The following NIPAL2 variants were observed in gnomAD, a reference collection of about 807,000 sequenced individuals.
NIPAL2 encodes the protein NIPA like domain containing 2.
In NIPAL2, 43 loss-of-function variants were observed where a neutral mutation model predicts 48.9. The observed-to-expected ratio is 0.88, with a 90% CI of 0.69 to 1.13. NIPAL2 has a LOEUF of 1.13. NIPAL2 is among the 50% of genes most tolerant of loss of function. NIPAL2 has a pLI of 0.00. For synonymous variants in NIPAL2, 167 were observed against 174.6 expected, an observed-to-expected ratio of 0.96 and a Z score of 0.34; for missense variants, 446 against 461.4, an observed-to-expected ratio of 0.97 and a Z score of 0.31.
At chr8:98,203,311 G>T in intron 7 of NIPAL2, 115 bp from the exon 8 acceptor site, 1 of 751,732 alleles carries the variant, frequency 1.3e-6, no homozygotes, top group Admixed American at 2.0e-5. Flanking sequence ...GAAAGGAGGT[G>T]CAGTGAAAGG....
At chr8:98,292,114 T>C (rs571772980) in intron 1 of NIPAL2, among the ~76,000 whole-genome samples, 4 of 152,346 alleles carry the variant, frequency 2.6e-5, no homozygotes, top group Admixed American at 2.6e-4. Flanking sequence ...CAAATAAGCA[T>C]CATTAAGCTG....
chr8:98,264,015 G>A (rs1428813514), intron 1 of NIPAL2, among the ~76,000 whole-genome samples: 7 of 147,562 alleles, frequency 4.7e-5, no homozygotes, highest in Admixed American at 1.4e-4. Context: ...TATAAACAGA[G>A]CCAAAGACAA....
chr8:98,272,825 A>G (rs1815221636), intron 1 of NIPAL2, among the ~76,000 whole-genome samples: 1 of 152,104 alleles, frequency 6.6e-6, no homozygotes, highest in Non-Finnish European at 1.5e-5. Flanking sequence ...TATAGAATCA[A>G]AAAACCACTT....
intron 4 of NIPAL2, among the ~76,000 whole-genome samples, chr8:98,231,554 G>C (rs1482811362): frequency 1.3e-5 from 2 of 152,180 alleles, no homozygotes; most frequent in Admixed American, 1.3e-4. Flanking sequence ...AGGGAGAAGA[G>C]AGAAGAAAAT....
chr8:98,242,731 G>C (rs1408528090), intron 3 of NIPAL2, among the ~76,000 whole-genome samples: 1 of 151,914 alleles, frequency 6.6e-6, no homozygotes, highest in Non-Finnish European at 1.5e-5. Context: ...TGATCCTCCC[G>C]CCTTGGCCTC....
At chr8:98,199,102 A>T (rs1810690898) in intron 8 of NIPAL2, among the ~76,000 whole-genome samples, 1 of 151,672 alleles carries the variant, frequency 6.6e-6, no homozygotes, top group Non-Finnish European at 1.5e-5. Context: ...GATTACAGTC[A>T]TGTGCCACCA....
intron 4 of NIPAL2, among the ~76,000 whole-genome samples, chr8:98,230,972 C>A (rs373733329): frequency 1.4e-4 from 22 of 152,236 alleles, no homozygotes; most frequent in African/African-American, 5.3e-4. Context: ...CTTTTAGGAG[C>A]CTTAAGAGTT....
chr8:98,194,011 C>T (rs1167262175), intron 10 of NIPAL2, among the ~76,000 whole-genome samples: 1 of 152,170 alleles, frequency 6.6e-6, no homozygotes, highest in African/African-American at 2.4e-5. Flanking sequence ...CTAGTTTTTG[C>T]TTCACAGGCA....
chr8:98,252,699 T>C (rs909918397), intron 2 of NIPAL2, 65 bp from the exon 3 acceptor site: 3 of 1,363,446 alleles, frequency 2.2e-6, no homozygotes, highest in Non-Finnish European at 3.0e-6. Flanking sequence ...CCACTTTTTT[T>C]CTTTTGTATT....
chr8:98,280,778 AG>A (rs1271017804), intron 1 of NIPAL2, among the ~76,000 whole-genome samples: 2 of 141,630 alleles, frequency 1.4e-5, no homozygotes, highest in African/African-American at 5.2e-5. Context: ...AGAGAGAGAG[AG>A]AGAGAGAGAG....
chr8:98,259,608 C>T (rs1489910884), intron 1 of NIPAL2, among the ~76,000 whole-genome samples: 1 of 152,184 alleles, frequency 6.6e-6, no homozygotes, highest in Admixed American at 6.5e-5. Context: ...TTCCCTATCC[C>T]TTGAATTCAG....
chr8:98,196,503 C>T (rs998238764), intron 8 of NIPAL2, among the ~76,000 whole-genome samples: 7 of 152,246 alleles, frequency 4.6e-5, no homozygotes, highest in African/African-American at 1.7e-4. Context: ...ACTCAAGTGC[C>T]AAAGCACACT....
chr8:98,195,943 CA>C lies in NIPAL2; in HGVS notation c.942del (p.Phe314LeufsTer73). 2 of 1,570,848 alleles carry C rather than the reference CA, an allele frequency of 1.3e-6. No individual in the cohort carries two copies. Among genetic ancestry groups the C allele is most frequent in the Non-Finnish European group, 1.7e-6 (2 of 1,146,522 alleles). On this transcript the variant is annotated frameshift_variant and splice_region_variant, in exon 9 of 11. Coordinates refer to ENST00000430223, the MANE Select transcript of NIPAL2 (RefSeq NM_001321635.2). LOFTEE classifies it high-confidence loss of function. Reference protein sequence around the residue: ...APFLTVFIYLFGCFLSFLGVF... With the variant: ...APFLTVFIYLXGCFLSFLGVF... Reference sequence around the variant, plus strand: ...TTTACCTCTGAGACATTTACTCACCCAAAAAGATATATAAATACAGTGAGAA... The same window carrying C: ...TTTACCTCTGAGACATTTACTCACCCAAAAGATATATAAATACAGTGAGAA...
At chr8:98,247,363 C>T (rs998455204) in intron 3 of NIPAL2, among the ~76,000 whole-genome samples, 1 of 152,182 alleles carries the variant, frequency 6.6e-6, no homozygotes, top group African/African-American at 2.4e-5. Flanking sequence ...GTCACCAGTC[C>T]CCTGGGTCTC....
intron 5 of NIPAL2, among the ~76,000 whole-genome samples, chr8:98,221,575 T>C (rs113748884): frequency 0.037 from 5,657 of 152,228 alleles, 373 homozygotes; most frequent in African/African-American, 0.13. Flanking sequence ...CTTTAAGTTC[T>C]GGGATACATG....
intron 4 of NIPAL2, among the ~76,000 whole-genome samples, chr8:98,233,768 C>T (rs568739426): frequency 6.6e-6 from 1 of 152,164 alleles, no homozygotes; most frequent in Non-Finnish European, 1.5e-5. Context: ...TTACAACTTG[C>T]ATTTATTTTT....
intron 5 of NIPAL2, among the ~76,000 whole-genome samples, chr8:98,214,599 CT>C (rs371085925): frequency 6.6e-6 from 1 of 152,030 alleles, no homozygotes; most frequent in African/African-American, 2.4e-5. Context: ...GGACCTCACT[CT>C]TTTGAGGAAT....
intron 6 of NIPAL2, among the ~76,000 whole-genome samples, chr8:98,211,826 GAC>G (rs1811338252): frequency 6.6e-6 from 1 of 151,136 alleles, no homozygotes; most frequent in Non-Finnish European, 1.5e-5. Context: ...GAGACAGAAA[GAC>G]ACAGAAAAGG....
At chr8:98,228,683 C>T (rs934074919) in intron 4 of NIPAL2, among the ~76,000 whole-genome samples, 1 of 142,320 alleles carries the variant, frequency 7.0e-6, no homozygotes, top group Non-Finnish European at 1.6e-5. Flanking sequence ...TCTCAGGATG[C>T]AGGCATGCCA....
Sources: allele counts gnomAD v4.1 joint callset (sites outside exome capture counted in the v4.1 genomes callset), GRCh38; gene constraint gnomAD v4.1.1; transcripts MANE v1.5; gene names NCBI Gene and HGNC (gene_info 2026-07-23, HGNC 2026-07-21).